Variants in TUBA1C observed in about 807,000 individuals in gnomAD.
TUBA1C encodes tubulin alpha-1C chain.
Under a neutral mutation model 34.9 loss-of-function variants are expected in TUBA1C, and 16 were observed. The observed-to-expected ratio is 0.46, with a 90% confidence interval of 0.31 to 0.70. TUBA1C has a LOEUF of 0.70. Among genes scored for constraint, TUBA1C ranks in the 30% least tolerant of loss-of-function variants. The pLI, the probability that TUBA1C is intolerant of heterozygous loss-of-function variation, is 0.05. For synonymous variants in TUBA1C, 177 were observed against 215.9 expected, an observed-to-expected ratio of 0.82 and a Z score of 1.58; for missense variants, 329 against 587.3, an observed-to-expected ratio of 0.56 and a Z score of 4.55.
At chr12:49,233,893 T>A (rs1404177499) in intron 1 of TUBA1C, 1 of 152,272 alleles carries the variant, frequency 6.6e-6, no homozygotes, top group Non-Finnish European at 1.5e-5. Context: ...AGAGGGAAGC[T>A]GAGCTCTGGC....
Position 49,272,368 on chromosome 12 carries a change from A to T in TUBA1C, c.491A>T (p.Lys164Met). ...MERLSVDYGKKSKLEFSIYPA... is the reference protein window; with the variant it reads ...MERLSVDYGKMSKLEFSIYPA... ...CGTCTCTCAGTTGATTATGGCAAGAAGTCCAAGCTGGAGTTCTCCATTTAC... is the reference window on the plus strand; with the variant it reads ...CGTCTCTCAGTTGATTATGGCAAGATGTCCAAGCTGGAGTTCTCCATTTAC... Residue 164 changes from lysine to methionine, a missense_variant, in exon 4 of 4, where the codon AAG becomes ATG. Lys to Met is a moderately conservative substitution (Grantham distance 95). This residue lies in a region of TUBA1C where 152 missense variants were observed against 240.3 expected (regional missense o/e 0.63). Transcript: ENST00000301072. 1 of 1,614,102 alleles carries T rather than the reference A, an allele frequency of 6.2e-7. No individual in the cohort carries two copies. Among genetic ancestry groups the T allele is most frequent in the Non-Finnish European group, 8.5e-7 (1 of 1,180,016 alleles).
At chr12:49,236,726 G>C (rs981475060) in intron 1 of TUBA1C, among the ~76,000 whole-genome samples, 5 of 152,096 alleles carry the variant, frequency 3.3e-5, no homozygotes, top group Non-Finnish European at 7.3e-5. Flanking sequence ...TACACTCCTA[G>C]GCTATATAAC....
intron 1 of TUBA1C, among the ~76,000 whole-genome samples, chr12:49,265,422 A>T (rs557196557): frequency 6.6e-6 from 1 of 152,252 alleles, no homozygotes; most frequent in East Asian, 1.9e-4. Flanking sequence ...AGCCCTCTTG[A>T]TCCTAGTGAG....
chr12:49,273,086 C>T lies in TUBA1C; in HGVS notation c.1209C>T (p.Ala403=). The T allele has an allele frequency of 1.2e-6, 2 of 1,614,196 alleles. No individual in the cohort carries two copies. The highest frequency in any genetic ancestry group is 1.7e-6 in the Non-Finnish European group (2 of 1,180,040). Residue 403 remains alanine (A), a synonymous_variant, in exon 4 of 4, where the codon GCC becomes GCT. Coordinates refer to ENST00000301072, the MANE Select transcript of TUBA1C (RefSeq NM_032704.5). ...TTGACCTGATGTATGCCAAGCGTGCCTTTGTTCACTGGTACGTGGGTGAGG... is the reference window on the plus strand; with the variant it reads ...TTGACCTGATGTATGCCAAGCGTGCTTTTGTTCACTGGTACGTGGGTGAGG... ...HKFDLMYAKR[A]FVHWYVGEGM...
chr12:49,272,191 A>C, intron 3 of TUBA1C, 62 bp from the exon 4 acceptor site: 1 of 1,543,070 alleles, frequency 6.5e-7, no homozygotes, highest in Non-Finnish European at 8.7e-7. Context: ...TGTAGGTTTC[A>C]CCAAATGTGA....
Position 49,240,035 on chromosome 12 carries a change from GACACACACACAC to G in TUBA1C, c.213+11900_213+11911del, listed in dbSNP as rs5798100. ...AGGGTGCCTCCACCCTCAGAGCACA[GACACACACACAC>G]ACACACACACACACACACACACACA... On this transcript the variant is annotated intron_variant, in intron 1 of 3. Coordinates refer to the TUBA1C transcript ENST00000541364. 4.7e-3 allele frequency among the ~76,000 whole-genome samples: 653 copies of G among 138,788 alleles called. 6 individuals carry two copies. The highest frequency in any genetic ancestry group is 0.015 in the African/African-American group (583 of 37,682). The allele number at this position is 138,788 out of a possible 152,430, so 91.1% of individuals were successfully genotyped here.
At chr12:49,244,837 C>T (rs979018166) in intron 1 of TUBA1C, among the ~76,000 whole-genome samples, 4 of 152,118 alleles carry the variant, frequency 2.6e-5, no homozygotes, top group African/African-American at 9.7e-5. Context: ...GCTCAGACCT[C>T]CTGACAAATA....
At chr12:49,244,541 T>C (rs12303188) in intron 1 of TUBA1C, among the ~76,000 whole-genome samples, 3,007 of 152,152 alleles carry the variant, frequency 0.02, 76 homozygotes, top group African/African-American at 0.061. Flanking sequence ...AATTCTATTA[T>C]GACCAAATTT....
intron 1 of TUBA1C, among the ~76,000 whole-genome samples, chr12:49,241,430 C>T (rs1255981555): frequency 1.3e-5 from 2 of 151,998 alleles, no homozygotes; most frequent in African/African-American, 4.8e-5. Flanking sequence ...AGGTATAGAC[C>T]TGGAAGAGTG....
chr12:49,233,025 T>G (rs1942513079), intron 1 of TUBA1C: 1 of 152,238 alleles, frequency 6.6e-6, no homozygotes, highest in South Asian at 2.1e-4. Flanking sequence ...TTACGAGACT[T>G]GAGAGACAGC....
chr12:49,260,688 C>T (rs543911234), upstream of TUBA1C, among the ~76,000 whole-genome samples: 1 of 152,242 alleles, frequency 6.6e-6, no homozygotes, highest in South Asian at 2.1e-4. Context: ...TCTGTACATA[C>T]AAGGCATAAA....
intron 1 of TUBA1C, among the ~76,000 whole-genome samples, chr12:49,246,072 T>TTTTGTATTTTGTA (rs1279242378): frequency 6.6e-6 from 1 of 151,778 alleles, no homozygotes; most frequent in East Asian, 2.0e-4. Context: ...GCCCACCTAA[T>TTTTGTATTTTGTA]TTTTGTATTT....
chr12:49,272,204 A>C, intron 3 of TUBA1C, 49 bp from the exon 4 acceptor site: 2 of 1,552,498 alleles, frequency 1.3e-6, no homozygotes, highest in Non-Finnish European at 1.7e-6. Context: ...AAATGTGAAC[A>C]CTAAATGAAA....
At chr12:49,231,634 G>A (rs1942498083) in intron 1 of TUBA1C, among the ~76,000 whole-genome samples, 1 of 152,182 alleles carries the variant, frequency 6.6e-6, no homozygotes, top group South Asian at 2.1e-4. Flanking sequence ...GTGAACGTAT[G>A]TGCCATGGCT....
Position 49,242,296 on chromosome 12 carries a change from T to C in TUBA1C, c.213+14130T>C, listed in dbSNP as rs958217103. On this transcript the variant is annotated intron_variant, in intron 1 of 3. Coordinates refer to the TUBA1C transcript ENST00000541364. The stretch of plus-strand genomic sequence containing the variant: ...GTGAGCCACTGCACCCGGCCAAAAG[T>C]TTACAGCCTTCTTAGACAAGGTGGC... Among the ~76,000 whole-genome samples, 5 of 152,006 alleles carry C rather than the reference T, an allele frequency of 3.3e-5. No individual in the cohort carries two copies. The South Asian group carries it at 1.0e-3, about 32-fold the overall frequency.
chr12:49,273,272 A>G lies in TUBA1C; in HGVS notation c.*45A>G. On this transcript the variant is annotated 3_prime_UTR_variant, in exon 4 of 4. Transcript: ENST00000301072. ...CACTCCTTTGTCTTGGAACTGTCTT[A>G]TTTTTGTTCTGTAAATGTCTATTGC... The G allele has an allele frequency of 6.2e-7, 1 of 1,614,020 alleles. No homozygotes were observed. Among genetic ancestry groups the G allele is most frequent in the Non-Finnish European group, 8.5e-7 (1 of 1,179,992 alleles).
At position 49,273,050 on chromosome 12, in the gene TUBA1C, G is replaced by A; in HGVS notation, c.1173G>A (p.Leu391=). The change falls in exon 4 of 4, where the codon CTG becomes CTA. Residue 391 remains leucine, a synonymous_variant. Coordinates refer to ENST00000301072, the MANE Select transcript of TUBA1C (RefSeq NM_032704.5). ...CTGTTGCCGAGGCCTGGGCTCGCCT[G>A]GACCACAAGTTTGACCTGATGTATG... The part of the protein sequence containing the change: ...TTAVAEAWAR[L]DHKFDLMYAK... 6.2e-7 allele frequency: 1 copy of A among 1,614,212 alleles called. No homozygotes were observed.
chr12:49,239,694 T>A (rs574901674), intron 1 of TUBA1C, among the ~76,000 whole-genome samples: 1 of 151,328 alleles, frequency 6.6e-6, no homozygotes, highest in South Asian at 2.1e-4. Context: ...TGCAGCTGCG[T>A]ACTCCTGTAG....
At chr12:49,247,761 C>A (rs1239834041) in intron 1 of TUBA1C, among the ~76,000 whole-genome samples, 7 of 150,790 alleles carry the variant, frequency 4.6e-5, no homozygotes, top group Non-Finnish European at 8.9e-5. Flanking sequence ...GCTTGGCCAG[C>A]ATGGTGAAAC....
Sources: allele counts gnomAD v4.1 joint callset (sites outside exome capture counted in the v4.1 genomes callset), GRCh38; gene constraint gnomAD v4.1.1; regional missense constraint gnomAD v4.1.1; transcripts MANE v1.5; gene names NCBI Gene and HGNC (gene_info 2026-07-23, HGNC 2026-07-21).